Variants in SVOPL observed in about 807,000 individuals in gnomAD.
The protein encoded by SVOPL is putative transporter SVOPL.
In SVOPL, 60 loss-of-function variants were observed where a neutral mutation model predicts 61.0. The observed-to-expected ratio is 0.98, with a 90% CI of 0.80 to 1.22. SVOPL has a LOEUF of 1.22. Among genes scored for constraint, SVOPL ranks in the 50% most tolerant of loss-of-function variants. SVOPL has a pLI of 0.00. For missense variants in SVOPL, 662 were observed against 643.9 expected (o/e 1.03, Z -0.30); for synonymous variants, 279 against 250.0 (o/e 1.12, Z -1.09).
intron 14 of SVOPL, among the ~76,000 whole-genome samples, chr7:138,604,088 C>G (rs1425910636): frequency 6.6e-6 from 1 of 150,788 alleles, no homozygotes. Flanking sequence ...CTCAGCCTCT[C>G]AAGTAGCTGG....
intron 9 of SVOPL, among the ~76,000 whole-genome samples, chr7:138,641,950 CG>C: frequency 7.0e-6 from 1 of 143,650 alleles, no homozygotes; most frequent in East Asian, 2.1e-4. Flanking sequence ...CACACACACA[CG>C]TACATATATA....
At chr7:138,622,270 GTATCTATCTATCTATCTATC>G (rs1224085695) in intron 13 of SVOPL, among the ~76,000 whole-genome samples, 1 of 83,736 alleles carries the variant, frequency 1.2e-5, no homozygotes, top group African/African-American at 4.2e-5. Flanking sequence ...ATCTATCTAT[GTATCTATCTATCTATCTATC>G]TATCTATCTA....
intron 1 of SVOPL, among the ~76,000 whole-genome samples, chr7:138,690,907 G>A (rs766532457): frequency 1.3e-4 from 20 of 151,992 alleles, no homozygotes; most frequent in Non-Finnish European, 2.6e-4. Flanking sequence ...CAAGTAGCTG[G>A]GACTACAGGT....
intron 1 of SVOPL, among the ~76,000 whole-genome samples, chr7:138,698,889 AC>A (rs1803129402): frequency 1.3e-5 from 2 of 152,210 alleles, no homozygotes; most frequent in African/African-American, 4.8e-5. Context: ...GGTGGCTCAC[AC>A]CTGTAATCCC....
intron 1 of SVOPL, among the ~76,000 whole-genome samples, chr7:138,699,807 A>T (rs1360924827): frequency 6.6e-6 from 1 of 152,162 alleles, no homozygotes; most frequent in African/African-American, 2.4e-5. Context: ...CGCCACCGGA[A>T]CAGCGTTCAG....
At chr7:138,687,694 GA>G (rs35163299) in intron 1 of SVOPL, among the ~76,000 whole-genome samples, 16,398 of 137,934 alleles carry the variant, frequency 0.12, 1,713 homozygotes, top group African/African-American at 0.27. Flanking sequence ...TCAAGAAGGT[GA>G]AAAAAAAAAA....
chr7:138,689,049 G>A, intron 1 of SVOPL: 1 of 717,462 alleles, frequency 1.4e-6, no homozygotes, highest in Non-Finnish European at 2.6e-6. Context: ...AAATCTTTGT[G>A]TTCACTTTAA....
At chr7:138,604,110 T>C (rs753036466) in intron 14 of SVOPL, among the ~76,000 whole-genome samples, 7 of 151,884 alleles carry the variant, frequency 4.6e-5, no homozygotes, top group Non-Finnish European at 8.8e-5. Context: ...ACTACAGACA[T>C]ATGCCACCAC....
At chr7:138,605,940 G>A (rs965004601) in intron 14 of SVOPL, among the ~76,000 whole-genome samples, 2 of 151,630 alleles carry the variant, frequency 1.3e-5, no homozygotes, top group Non-Finnish European at 2.9e-5. Context: ...TTTCTCCAAG[G>A]ACTCAAATTC....
At chr7:138,661,427 T>C in intron 5 of SVOPL, 1 of 984,870 alleles carries the variant, frequency 1.0e-6, no homozygotes, top group Non-Finnish European at 1.2e-6. Context: ...GTCTGAGGAA[T>C]GTGAGGTATG....
intron 1 of SVOPL, among the ~76,000 whole-genome samples, chr7:138,698,994 T>C (rs1373695928): frequency 6.6e-6 from 1 of 152,044 alleles, no homozygotes; most frequent in Non-Finnish European, 1.5e-5. Flanking sequence ...CTACTAAAAA[T>C]ACAAAAAATT....
intron 9 of SVOPL, among the ~76,000 whole-genome samples, chr7:138,633,673 A>T (rs1800325532): frequency 6.6e-6 from 1 of 151,878 alleles, no homozygotes. Context: ...AGGTTTTGAG[A>T]TACATATAAT....
Position 138,627,698 on chromosome 7 carries a change from A to G in SVOPL, c.1070-237T>C, listed in dbSNP as rs3816559. Reference sequence around the variant, plus strand: ...GTGCCCAGAATACTTATTATATCATACAGGTCTATTGTAGATTGCCAGTTG... The same window carrying G: ...GTGCCCAGAATACTTATTATATCATGCAGGTCTATTGTAGATTGCCAGTTG... On this transcript the variant is annotated intron_variant, in intron 11 of 15. Transcript: ENST00000674285. Among the ~76,000 whole-genome samples, 3 of 152,332 alleles carry G rather than the reference A, an allele frequency of 2.0e-5. No homozygotes were observed. The East Asian group carries it at 5.8e-4, about 29-fold the overall frequency.
At chr7:138,683,768 C>A (rs907447895) in intron 1 of SVOPL, among the ~76,000 whole-genome samples, 1 of 151,954 alleles carries the variant, frequency 6.6e-6, no homozygotes, top group African/African-American at 2.4e-5. Context: ...GTAAGAAACT[C>A]TTTGGGCGGG....
intron 5 of SVOPL, chr7:138,661,193 G>T: frequency 1.0e-6 from 1 of 985,332 alleles, no homozygotes; most frequent in Non-Finnish European, 1.2e-6. Context: ...CAGAAATCAA[G>T]CAAATAGAAA....
intron 3 of SVOPL, among the ~76,000 whole-genome samples, chr7:138,672,775 G>C (rs1468015451): frequency 6.6e-6 from 1 of 151,614 alleles, no homozygotes; most frequent in Non-Finnish European, 1.5e-5. Context: ...ACAGGCATGA[G>C]CCACTGAACT....
At chr7:138,656,860 T>A (rs1239743062) in intron 6 of SVOPL, among the ~76,000 whole-genome samples, 1 of 152,008 alleles carries the variant, frequency 6.6e-6, no homozygotes, top group African/African-American at 2.4e-5. Context: ...CTGGACAACA[T>A]GGAAAAACCC....
intron 14 of SVOPL, among the ~76,000 whole-genome samples, chr7:138,615,560 C>CAAAAAA (rs770404185): frequency 0.023 from 129 of 5,546 alleles, 25 homozygotes; most frequent in Middle Eastern, 0.25. Flanking sequence ...ACTCCGTCTC[C>CAAAAAA]AAAAAAAAAA....
In SVOPL at chr7:138,609,918, G is replaced by T. The variant is rs189225848; in HGVS notation, c.1353+11128C>A. Among the ~76,000 whole-genome samples, 79 of 152,142 alleles carry T rather than the reference G, an allele frequency of 5.2e-4. 3 individuals are homozygous for T. In the South Asian group the frequency reaches 0.016, roughly 31 times the overall value. ...CAGATAATTTTTGTTTAGTAGAGAC[G>T]GGGTTTTGCCATGTTGGCCAGGCTG... On this transcript the variant is annotated intron_variant, in intron 14 of 15. Coordinates refer to ENST00000674285, the MANE Select transcript of SVOPL (RefSeq NM_001139456.2).
Sources: allele counts gnomAD v4.1 joint callset (sites outside exome capture counted in the v4.1 genomes callset), GRCh38; gene constraint gnomAD v4.1.1; transcripts MANE v1.5; gene names NCBI Gene and HGNC (gene_info 2026-07-23, HGNC 2026-07-21).